MYO16: variants seen among roughly 807,000 people sequenced by gnomAD.
MYO16 encodes unconventional myosin-XVI.
In MYO16, 94 loss-of-function variants were observed where a neutral mutation model predicts 205.3. That is an observed-to-expected ratio of 0.46 (90% CI 0.39 to 0.54). The LOEUF (loss-of-function observed/expected upper bound fraction) is 0.54, where lower values mean the gene tolerates loss of function less well. MYO16 is among the 20% of genes least tolerant of loss of function. The pLI, the probability that MYO16 is intolerant of heterozygous loss-of-function variation, is 0.00. For missense variants in MYO16, 2,315 were observed against 2,387.5 expected, an observed-to-expected ratio of 0.97 and a Z score of 0.63; for synonymous variants, 988 against 954.0, an observed-to-expected ratio of 1.04 and a Z score of -0.66.
chr13:108,636,621 G>T (rs1178117956), intron 1 of MYO16, among the ~76,000 whole-genome samples: 1 of 151,914 alleles, frequency 6.6e-6, no homozygotes, highest in Non-Finnish European at 1.5e-5. Context: ...CTCTTGATCT[G>T]CCCGCCTTGG....
intron 10 of MYO16, among the ~76,000 whole-genome samples, chr13:108,845,812 G>A (rs1022954932): frequency 1.3e-5 from 2 of 152,076 alleles, no homozygotes; most frequent in Non-Finnish European, 2.9e-5. Context: ...AACCTCACAG[G>A]CTCTAGTGAT....
At chr13:108,841,327 T>A (rs565869624) in intron 9 of MYO16, among the ~76,000 whole-genome samples, 1 of 152,326 alleles carries the variant, frequency 6.6e-6, no homozygotes, top group South Asian at 2.1e-4. Context: ...AGTCATTTTT[T>A]AAAAAACAAT....
At chr13:108,740,578 G>A (rs1353835715) in intron 4 of MYO16, among the ~76,000 whole-genome samples, 1 of 152,122 alleles carries the variant, frequency 6.6e-6, no homozygotes, top group Non-Finnish European at 1.5e-5. Flanking sequence ...GCTACTCGAG[G>A]GTCAGGGACT....
chr13:108,898,783 C>G (rs1880564263), intron 15 of MYO16, among the ~76,000 whole-genome samples: 1 of 152,108 alleles, frequency 6.6e-6, no homozygotes, highest in African/African-American at 2.4e-5. Flanking sequence ...TAAAATTCAA[C>G]TAATTTAGAA....
intron 32 of MYO16, among the ~76,000 whole-genome samples, chr13:109,147,880 G>C (rs994938792): frequency 6.6e-6 from 1 of 152,120 alleles, no homozygotes; most frequent in Non-Finnish European, 1.5e-5. Context: ...GGGGAAACTA[G>C]ATTAACACCC....
At chr13:108,502,009 C>T in the MYO16 span, among the ~76,000 whole-genome samples, 3 of 152,084 alleles carry the variant, frequency 2.0e-5, no homozygotes, top group Non-Finnish European at 4.4e-5. Flanking sequence ...GTCAGGAGAT[C>T]GAGACCATCC....
intron 1 of MYO16, among the ~76,000 whole-genome samples, chr13:108,636,920 A>T (rs1485687963): frequency 6.6e-6 from 1 of 152,178 alleles, no homozygotes; most frequent in Non-Finnish European, 1.5e-5. Context: ...CAAATAAATG[A>T]TGTCCTCATA....
rs1284341985 is a variant in MYO16, at chr13:108,675,223, C to A, written c.292+9074C>A. On this transcript the variant is annotated intron_variant, in intron 2 of 34. Transcript: ENST00000457511. The stretch of plus-strand genomic sequence containing the variant: ...GAGTTTTCCAACTCCACATACATAC[C>A]TACATCAGAGATTTGTATGGTTAAA... Among the ~76,000 whole-genome samples, 5 of 152,152 alleles carry A rather than the reference C, an allele frequency of 3.3e-5. 1 individual carries two copies. The South Asian group carries it at 8.3e-4, about 25-fold the overall frequency.
At chr13:108,947,598 G>C (rs898133965) in intron 16 of MYO16, among the ~76,000 whole-genome samples, 4 of 152,174 alleles carry the variant, frequency 2.6e-5, no homozygotes, top group African/African-American at 4.8e-5. Context: ...TGGACACAAG[G>C]CTCGGGGATG....
intron 23 of MYO16, among the ~76,000 whole-genome samples, chr13:109,027,246 C>T (rs1482412957): frequency 6.6e-6 from 1 of 152,156 alleles, no homozygotes; most frequent in Non-Finnish European, 1.5e-5. Flanking sequence ...ATGGCCCTGT[C>T]CCTCTGTGTG....
chr13:108,668,090 T>C (rs1594192442), intron 2 of MYO16, among the ~76,000 whole-genome samples: 1 of 152,228 alleles, frequency 6.6e-6, no homozygotes, highest in Non-Finnish European at 1.5e-5. Context: ...TTGTACCAAA[T>C]ATCTACAGTG....
At chr13:108,747,042 T>C (rs1317897574) in intron 4 of MYO16, among the ~76,000 whole-genome samples, 5 of 152,160 alleles carry the variant, frequency 3.3e-5, no homozygotes, top group Admixed American at 2.0e-4. Flanking sequence ...AACATAGAAT[T>C]TTATTTCCAG....
chr13:108,525,580 T>C, the MYO16 span, among the ~76,000 whole-genome samples: 3 of 152,274 alleles, frequency 2.0e-5, no homozygotes, highest in East Asian at 1.9e-4. Flanking sequence ...ATCGTTACAA[T>C]GTTTAGGGGG....
At chr13:108,800,922 A>T (rs1886950439) in intron 6 of MYO16, among the ~76,000 whole-genome samples, 1 of 152,206 alleles carries the variant, frequency 6.6e-6, no homozygotes, top group Admixed American at 6.5e-5. Context: ...TTTCCAAGTT[A>T]TACATGTGGA....
chr13:108,969,804 G>A (rs376721328), intron 20 of MYO16, among the ~76,000 whole-genome samples: 51 of 152,014 alleles, frequency 3.4e-4, no homozygotes, highest in African/African-American at 1.2e-3. Context: ...TTTTTCTATA[G>A]CTCTGAATAG....
intron 4 of MYO16, among the ~76,000 whole-genome samples, chr13:108,783,090 C>T (rs1594290465): frequency 1.3e-5 from 2 of 152,116 alleles, no homozygotes; most frequent in Non-Finnish European, 2.9e-5. Flanking sequence ...GGTAGGTCCA[C>T]TGACAGCTTG....
intron 7 of MYO16, among the ~76,000 whole-genome samples, chr13:108,817,680 G>A (rs774064805): frequency 5.9e-5 from 9 of 152,090 alleles, no homozygotes; most frequent in Middle Eastern, 3.2e-3. Context: ...AAGAATATTC[G>A]TAGAAATACA....
chr13:109,131,039 T>TA (rs1303298021), intron 31 of MYO16, among the ~76,000 whole-genome samples: 1 of 152,136 alleles, frequency 6.6e-6, no homozygotes, highest in African/African-American at 2.4e-5. Context: ...TTGCATCTAG[T>TA]AACGTGTCAC....
chr13:108,883,385 A>G (rs548143323), intron 13 of MYO16, among the ~76,000 whole-genome samples, 199 bp downstream of exon 13: 1 of 152,308 alleles, frequency 6.6e-6, no homozygotes, highest in East Asian at 1.9e-4. Flanking sequence ...GTGTAGCTGG[A>G]TCAATATTAA....
Sources: allele counts gnomAD v4.1 joint callset (sites outside exome capture counted in the v4.1 genomes callset), GRCh38; gene constraint gnomAD v4.1.1; transcripts MANE v1.5; gene names NCBI Gene and HGNC (gene_info 2026-07-23, HGNC 2026-07-21).